The following CCDC141 variants were observed in gnomAD, a reference collection of about 807,000 sequenced individuals.
CCDC141 encodes the protein coiled-coil domain containing 141, also known as coiled-coil domain-containing protein 141.
A neutral mutation model predicts 181.0 loss-of-function variants in CCDC141; 168 were observed. The observed-to-expected ratio is 0.93, with a 90% CI of 0.82 to 1.05. The LOEUF (loss-of-function observed/expected upper bound fraction) is 1.05. Ranked by LOEUF, CCDC141 falls within the 50% of genes least tolerant of loss-of-function variation. The pLI, the probability that CCDC141 is intolerant of heterozygous loss-of-function variation, is 0.00. For synonymous variants in CCDC141, 666 were observed against 642.3 expected, an observed-to-expected ratio of 1.04 and a Z score of -0.56; for missense variants, 1,902 against 1,788.5, an observed-to-expected ratio of 1.06 and a Z score of -1.14.
In CCDC141 at chr2:178,878,167, A is replaced by G. The variant is rs766403505; in HGVS notation, c.1720-24T>C. On this transcript the variant is annotated intron_variant, in intron 11 of 23. Transcript: ENST00000443758. Reference sequence around the variant, plus strand: ...ACCTAAAAAAGAAAAAAGAGAGTTAAGAACACTTAAACACATTTTTTTAAA... The same window carrying G: ...ACCTAAAAAAGAAAAAAGAGAGTTAGGAACACTTAAACACATTTTTTTAAA... 3.9e-6 allele frequency: 6 copies of G among 1,531,538 alleles called. 1 individual carries two copies. Among genetic ancestry groups the G allele is most frequent in the Non-Finnish European group, 4.4e-6 (5 of 1,131,702 alleles). The allele number at this position is 1,531,538 out of a possible 1,614,324, so 94.9% of individuals were successfully genotyped here. A position where few individuals can be genotyped will look rare whatever the true frequency, so the allele number is the denominator to read the frequency against.
chr2:178,976,478 T>C (rs1213471608), intron 3 of CCDC141, among the ~76,000 whole-genome samples: 1 of 152,294 alleles, frequency 6.6e-6, no homozygotes, highest in East Asian at 1.9e-4. Context: ...CTGAAGAGCA[T>C]GGGACATGTT....
intron 2 of CCDC141, among the ~76,000 whole-genome samples, chr2:179,028,882 T>G (rs1245569070): frequency 6.6e-6 from 1 of 152,140 alleles, no homozygotes; most frequent in Non-Finnish European, 1.5e-5. Context: ...ATCCCACATA[T>G]AGTTATAAAG....
chr2:179,021,997 T>C (rs1003233425), intron 2 of CCDC141, among the ~76,000 whole-genome samples: 2 of 152,226 alleles, frequency 1.3e-5, no homozygotes, highest in East Asian at 3.8e-4. Context: ...TTAATTCTTA[T>C]AAATGCGTCT....
At chr2:178,994,815 T>C (rs1692209508) in intron 2 of CCDC141, among the ~76,000 whole-genome samples, 1 of 152,180 alleles carries the variant, frequency 6.6e-6, no homozygotes, top group South Asian at 2.1e-4. Flanking sequence ...AAATCATCTA[T>C]CTCAAGTTCA....
At chr2:179,027,460 C>A (rs188413487) in intron 2 of CCDC141, among the ~76,000 whole-genome samples, 10 of 151,436 alleles carry the variant, frequency 6.6e-5, no homozygotes, top group Admixed American at 5.9e-4. Flanking sequence ...CTGGCTAACA[C>A]GGTGAAACCC....
intron 8 of CCDC141, among the ~76,000 whole-genome samples, chr2:178,892,466 A>G (rs189541970): frequency 6.6e-6 from 1 of 152,184 alleles, no homozygotes; most frequent in Non-Finnish European, 1.5e-5. Flanking sequence ...CTCATTCCCA[A>G]TTAGAATATA....
intron 2 of CCDC141, among the ~76,000 whole-genome samples, chr2:178,984,202 A>T (rs1050992769): frequency 2.0e-5 from 3 of 151,174 alleles, no homozygotes; most frequent in Admixed American, 2.0e-4. Context: ...AGAATTTCAT[A>T]TCCAGCCAAA....
intron 4 of CCDC141, among the ~76,000 whole-genome samples, chr2:178,972,735 G>A (rs1690950958): frequency 6.6e-6 from 1 of 152,202 alleles, no homozygotes; most frequent in Non-Finnish European, 1.5e-5. Context: ...GTCAGGAGAA[G>A]GTATATTATT....
intron 2 of CCDC141, among the ~76,000 whole-genome samples, chr2:179,015,370 A>G (rs2042452575): frequency 7.2e-6 from 1 of 139,848 alleles, no homozygotes; most frequent in Non-Finnish European, 1.5e-5. Context: ...CCATATATGT[A>G]TCATATATAT....
Position 178,872,332 on chromosome 2 carries a change from T to C in CCDC141, c.1900-20A>G. 1 of 1,582,318 alleles carries C rather than the reference T, an allele frequency of 6.3e-7. No individual in the cohort carries two copies. The highest frequency in any genetic ancestry group is 8.6e-7 in the Non-Finnish European group (1 of 1,161,212). On this transcript the variant is annotated intron_variant, in intron 12 of 23. Coordinates refer to ENST00000443758, the MANE Select transcript of CCDC141 (RefSeq NM_173648.4). ...TTTTGCCTGTTAAATTAATAATTCA[T>C]ATAATAGCTTTTCTTTCCCAAGAGA...
chr2:178,946,150 A>G (rs1379873034), intron 5 of CCDC141, among the ~76,000 whole-genome samples: 1 of 152,162 alleles, frequency 6.6e-6, no homozygotes, highest in Non-Finnish European at 1.5e-5. Context: ...TCTTCCGAAT[A>G]TCTGGTAATC....
intron 4 of CCDC141, among the ~76,000 whole-genome samples, chr2:178,966,073 C>T (rs997741173): frequency 1.3e-5 from 2 of 152,200 alleles, no homozygotes; most frequent in Non-Finnish European, 2.9e-5. Context: ...CCATATTTCT[C>T]TTCTCTGGGC....
At chr2:178,816,919 G>T in the CCDC141 span, among the ~76,000 whole-genome samples, 1 of 152,104 alleles carries the variant, frequency 6.6e-6, no homozygotes, top group Non-Finnish European at 1.5e-5. Context: ...TAGCTTTCTA[G>T]GATGAGATTA....
At chr2:178,863,101 T>C (rs543785209) in intron 17 of CCDC141, among the ~76,000 whole-genome samples, 22 of 152,342 alleles carry the variant, frequency 1.4e-4, no homozygotes, top group Non-Finnish European at 3.1e-4. Flanking sequence ...ATTCTGAGTT[T>C]AACAAATCAT....
In CCDC141 at chr2:178,845,639, T is replaced by A. The variant is rs776157888; in HGVS notation, c.3461A>T (p.Glu1154Val). Residue 1154 changes from glutamate (E) to valine (V), a missense_variant, in exon 22 of 24, where the codon GAA becomes GTA. By Grantham distance (121) the Glu-to-Val change is moderately radical. Transcript: ENST00000443758. ...PAKNKQTIFN[E>V]ERNKGQVQVA... Reference sequence around the variant, plus strand: ...AGTTTTCTTTACCTTATTCCTTTCTTCATTGAATATTGTCTGCTTATTTTT... The same window carrying A: ...AGTTTTCTTTACCTTATTCCTTTCTACATTGAATATTGTCTGCTTATTTTT... 3.2e-6 allele frequency: 5 copies of A among 1,585,658 alleles called. No homozygotes were observed. Among genetic ancestry groups the A allele is most frequent in the Admixed American group, 1.7e-5 (1 of 59,908 alleles).
chr2:178,905,965 G>T (rs187856149), intron 7 of CCDC141, among the ~76,000 whole-genome samples: 105 of 152,328 alleles, frequency 6.9e-4, no homozygotes, highest in Non-Finnish European at 9.3e-4. Flanking sequence ...GCACTGTAGA[G>T]AAATATTCAA....
intron 2 of CCDC141, among the ~76,000 whole-genome samples, chr2:178,987,141 C>A (rs1441388662): frequency 8.6e-6 from 1 of 115,778 alleles, no homozygotes; most frequent in Non-Finnish European, 1.8e-5. Context: ...TGGAACAGAA[C>A]ACAGCCCTCA....
Position 178,834,140 on chromosome 2 carries a change from T to C in CCDC141, c.*33A>G. 4 of 1,525,210 alleles carry C rather than the reference T, an allele frequency of 2.6e-6. No homozygotes were observed. Among genetic ancestry groups the C allele is most frequent in the Non-Finnish European group, 1.8e-6 (2 of 1,138,056 alleles). The allele number at this position is 1,525,210 out of a possible 1,614,324, so 94.5% of individuals were successfully genotyped here. ...ACGGCGGCACTTTTCTTTAGGCACA[T>C]GAGAATGATGTCCATTGGTGCCAAC... On this transcript the variant is annotated 3_prime_UTR_variant, in exon 24 of 24. Transcript: ENST00000443758.
intron 22 of CCDC141, among the ~76,000 whole-genome samples, chr2:178,843,759 G>A (rs941237310): frequency 6.6e-6 from 1 of 152,144 alleles, no homozygotes; most frequent in Non-Finnish European, 1.5e-5. Flanking sequence ...CTTCCTATCT[G>A]CCCACATGGG....
Sources: gnomAD v4.1 joint callset for allele counts (sites outside exome capture counted in the v4.1 genomes callset) on GRCh38, gnomAD v4.1.1 for gene constraint, MANE v1.5 for transcripts, NCBI Gene and HGNC (gene_info 2026-07-23, HGNC 2026-07-21) for gene names.